PTPRN2: variants seen among roughly 807,000 people sequenced by gnomAD.
The protein encoded by PTPRN2 is protein tyrosine phosphatase receptor type N2.
A neutral mutation model predicts 118.8 loss-of-function variants in PTPRN2; 74 were observed. The observed-to-expected ratio is 0.62, with a 90% CI of 0.52 to 0.76. PTPRN2 has a LOEUF of 0.76. PTPRN2 is among the 30% of genes least tolerant of loss of function. PTPRN2 has a pLI of 0.00. For missense variants in PTPRN2, 1,481 were observed against 1,394.4 expected, an observed-to-expected ratio of 1.06 and a Z score of -0.99; for synonymous variants, 641 against 608.0, an observed-to-expected ratio of 1.05 and a Z score of -0.80.
chr7:158,381,764 G>A (rs562382901), intron 2 of PTPRN2, among the ~76,000 whole-genome samples: 5 of 152,198 alleles, frequency 3.3e-5, no homozygotes, highest in Non-Finnish European at 7.3e-5. Context: ...ACAGGAAAGT[G>A]ATTTAATTGA....
At chr7:158,341,003 G>A (rs1162898943) in intron 2 of PTPRN2, among the ~76,000 whole-genome samples, 20 of 56,026 alleles carry the variant, frequency 3.6e-4, no homozygotes, top group South Asian at 1.0e-3. Flanking sequence ...CATAAGAGGT[G>A]AAACCTGCAG....
At chr7:158,501,719 GAA>G (rs934378662) in intron 1 of PTPRN2, among the ~76,000 whole-genome samples, 1 of 152,204 alleles carries the variant, frequency 6.6e-6, no homozygotes, top group Non-Finnish European at 1.5e-5. Flanking sequence ...TAGCCAGGCA[GAA>G]AAGTCACCAA....
intron 3 of PTPRN2, among the ~76,000 whole-genome samples, chr7:158,268,462 T>G (rs1285888447): frequency 1.0e-5 from 1 of 96,080 alleles, no homozygotes; most frequent in Non-Finnish European, 2.1e-5. Context: ...ATATCCCAGC[T>G]GCACACACAC....
chr7:158,392,055 C>G (rs1277160491), intron 2 of PTPRN2, among the ~76,000 whole-genome samples: 2 of 152,102 alleles, frequency 1.3e-5, no homozygotes, highest in Non-Finnish European at 2.9e-5. Flanking sequence ...AGTAGCCATA[C>G]CCAGGGGAGG....
chr7:157,799,819 C>T (rs937639015), intron 12 of PTPRN2, among the ~76,000 whole-genome samples: 12 of 135,020 alleles, frequency 8.9e-5, no homozygotes, highest in African/African-American at 3.3e-4. Flanking sequence ...CTCAGAGGCA[C>T]CACAGCCGGC....
At chr7:157,659,406 T>TG (rs887687724) in intron 13 of PTPRN2, among the ~76,000 whole-genome samples, 1 of 52,938 alleles carries the variant, frequency 1.9e-5, no homozygotes, top group African/African-American at 7.7e-5. Context: ...GGGGGATGGC[T>TG]GGGGGGACTG....
intron 12 of PTPRN2, among the ~76,000 whole-genome samples, chr7:157,820,032 CCA>C (rs892353146): frequency 5.5e-4 from 83 of 150,218 alleles, no homozygotes; most frequent in African/African-American, 1.8e-3. Context: ...ACACACACAC[CCA>C]CAGTCACACA....
chr7:158,270,783 A>ACCCCGTCCACCTGGACCAC (rs1335812910), intron 3 of PTPRN2, among the ~76,000 whole-genome samples: 1 of 51,272 alleles, frequency 2.0e-5, no homozygotes, highest in Non-Finnish European at 3.4e-5. Context: ...CACCTGGACC[A>ACCCCGTCCACCTGGACCAC]CCCCTCCACC....
rs921907747 is a variant in PTPRN2 at position 157,598,548 on chromosome 7, G to C, written c.2419-3233C>G. Among the ~76,000 whole-genome samples, 7 of 152,194 alleles carry C rather than the reference G, an allele frequency of 4.6e-5. No homozygotes were observed. The highest frequency in any genetic ancestry group is 1.7e-4 in the African/African-American group (7 of 41,430). ...TCTGTATGGTGGGTGAGCTCAGGGA[G>C]TGAGGAGCTTGGATGATGCGGTTTC... On this transcript the variant is annotated intron_variant, in intron 16 of 22. Coordinates refer to ENST00000389418, the MANE Select transcript of PTPRN2 (RefSeq NM_002847.5). The surrounding 1 kb of genome is among the most constrained non-coding windows in gnomAD (Gnocchi z 5.2).
At chr7:158,516,947 C>T (rs576637022) in intron 1 of PTPRN2, among the ~76,000 whole-genome samples, 109 of 152,308 alleles carry the variant, frequency 7.2e-4, no homozygotes, top group Non-Finnish European at 1.4e-3. Context: ...CAAGGCTTTT[C>T]TCCACACTAC....
chr7:158,006,987 C>T (rs920121559), intron 11 of PTPRN2, among the ~76,000 whole-genome samples: 2 of 152,146 alleles, frequency 1.3e-5, no homozygotes, highest in African/African-American at 2.4e-5. Context: ...GAAATGTACT[C>T]CGTCACAGTT....
intron 12 of PTPRN2, among the ~76,000 whole-genome samples, chr7:157,853,898 G>A (rs1440125021): frequency 1.3e-5 from 2 of 152,108 alleles, no homozygotes; most frequent in African/African-American, 4.8e-5. Flanking sequence ...ACAAGACGGG[G>A]GTCCTTATCA....
At chr7:158,416,346 C>T (rs114624071) in intron 2 of PTPRN2, among the ~76,000 whole-genome samples, 174 of 152,346 alleles carry the variant, frequency 1.1e-3, no homozygotes, top group African/African-American at 4.1e-3. Context: ...CACCCCCAGC[C>T]CCCAACCACA....
chr7:158,510,266 C>G (rs1823075401), intron 1 of PTPRN2, among the ~76,000 whole-genome samples: 1 of 152,202 alleles, frequency 6.6e-6, no homozygotes, highest in African/African-American at 2.4e-5. Flanking sequence ...TCTGGGGGAG[C>G]CCCAATGACA....
At chr7:158,078,730 G>A (rs980425487) in intron 11 of PTPRN2, among the ~76,000 whole-genome samples, 22 of 152,218 alleles carry the variant, frequency 1.4e-4, no homozygotes, top group African/African-American at 1.7e-4. Context: ...GTCACCAACC[G>A]TGCTAAGCGC....
At chr7:158,052,514 G>A (rs536511252) in intron 11 of PTPRN2, among the ~76,000 whole-genome samples, 52 of 152,346 alleles carry the variant, frequency 3.4e-4, no homozygotes, top group African/African-American at 1.1e-3. Flanking sequence ...CTGAGTCTCC[G>A]CCGCATGGAT....
intron 12 of PTPRN2, among the ~76,000 whole-genome samples, chr7:157,700,199 T>C (rs1797996837): frequency 6.6e-6 from 1 of 152,206 alleles, no homozygotes; most frequent in African/African-American, 2.4e-5. Context: ...CAGTTGACTG[T>C]CCTTGTCTCC....
At chr7:158,145,649 C>A (rs1403011482) in intron 6 of PTPRN2, among the ~76,000 whole-genome samples, 1 of 152,240 alleles carries the variant, frequency 6.6e-6, no homozygotes, top group Non-Finnish European at 1.5e-5. Context: ...AGTACTGAAC[C>A]AACAGGGGCT....
At chr7:158,147,978 C>G (rs371432085) in intron 6 of PTPRN2, among the ~76,000 whole-genome samples, 1 of 72,184 alleles carries the variant, frequency 1.4e-5, no homozygotes, top group Admixed American at 1.1e-4. Context: ...CTTTCCCCCT[C>G]AATGACACAC....
Sources: gnomAD v4.1 joint callset for allele counts (sites outside exome capture counted in the v4.1 genomes callset) on GRCh38, gnomAD v4.1.1 for gene constraint, Gnocchi (gnomAD v3.1) non-coding constraint, MANE v1.5 for transcripts, NCBI Gene and HGNC (gene_info 2026-07-23, HGNC 2026-07-21) for gene names.